Variants in MARK3 observed in about 807,000 individuals in gnomAD.
MARK3 encodes microtubule affinity regulating kinase 3.
Under a neutral mutation model 90.1 loss-of-function variants are expected in MARK3, and 46 were observed. That is an observed-to-expected ratio of 0.51 (90% CI 0.40 to 0.65). The LOEUF is 0.65. MARK3 is among the 30% of genes least tolerant of loss of function. MARK3 has a pLI of 0.00. For synonymous variants in MARK3, 321 were observed against 332.6 expected (o/e 0.97, Z 0.38); for missense variants, 818 against 947.2 (o/e 0.86, Z 1.79).
chr14:103,388,867 GAGTA>G (rs958410347), intron 1 of MARK3, among the ~76,000 whole-genome samples: 1 of 152,034 alleles, frequency 6.6e-6, no homozygotes, highest in Non-Finnish European at 1.5e-5. Context: ...TTTTATTGCT[GAGTA>G]AGTATTTCCT....
intron 2 of MARK3, 69 bp downstream of exon 2, chr14:103,405,336 A>G: frequency 1.6e-6 from 2 of 1,256,610 alleles, no homozygotes; most frequent in Admixed American, 5.2e-5. Context: ...GAGAAAGAAA[A>G]GAATATAGAT....
At chr14:103,392,841 C>G (rs1409448781) in intron 1 of MARK3, among the ~76,000 whole-genome samples, 1 of 150,962 alleles carries the variant, frequency 6.6e-6, no homozygotes, top group African/African-American at 2.4e-5. Flanking sequence ...GGCGGAGTCT[C>G]ACACTGTTAC....
chr14:103,407,384 A>G (rs962295496), intron 2 of MARK3, among the ~76,000 whole-genome samples: 2 of 152,084 alleles, frequency 1.3e-5, no homozygotes, highest in Middle Eastern at 3.4e-3. Flanking sequence ...TACTTTTCTC[A>G]TAGCGTATGT....
chr14:103,499,878 T>TGTGTGCAGC (rs1176796710), intron 16 of MARK3: 9 of 255,566 alleles, frequency 3.5e-5, no homozygotes, highest in Non-Finnish European at 2.1e-5. Context: ...GTGTGTGCAG[T>TGTGTGCAGC]GTGCAGCGTG....
chr14:103,408,274 G>A (rs982002164), intron 2 of MARK3, among the ~76,000 whole-genome samples: 10 of 152,160 alleles, frequency 6.6e-5, no homozygotes, highest in Admixed American at 5.2e-4. Flanking sequence ...GCAACCTCCC[G>A]CCTCCTGGGT....
At chr14:103,386,159 GT>G (rs2089772798) in intron 1 of MARK3, 79 bp downstream of exon 1, 19 of 1,352,650 alleles carry the variant, frequency 1.4e-5, no homozygotes, top group Non-Finnish European at 1.9e-5. Context: ...GCAGTCGGGT[GT>G]TCCCCCCAGC....
intron 15 of MARK3, among the ~76,000 whole-genome samples, chr14:103,492,839 C>T (rs995412169): frequency 3.9e-5 from 6 of 152,246 alleles, no homozygotes; most frequent in African/African-American, 1.2e-4. Context: ...CACTTTGAAC[C>T]GTAAACAATA....
chr14:103,386,683 G>A (rs2089831168), intron 1 of MARK3, among the ~76,000 whole-genome samples: 1 of 152,190 alleles, frequency 6.6e-6, no homozygotes, highest in South Asian at 2.1e-4. Context: ...CTTTTTTGAA[G>A]GAGTTGGTTA....
At position 103,497,869 on chromosome 14, in the gene MARK3, A is replaced by G. The variant is rs184643411; in HGVS notation, c.1845-633A>G. On this transcript the variant is annotated intron_variant, in intron 15 of 17. Coordinates refer to ENST00000429436, the MANE Select transcript of MARK3 (RefSeq NM_001128918.3). ...GAAAATTGAAAAATGTTTTATTACT[A>G]GTACATTGCAAATGTCTTGTCACTT... Among the ~76,000 whole-genome samples the G allele has an allele frequency of 7.1e-4, 108 of 152,346 alleles. 1 individual carries two copies. Among genetic ancestry groups the G allele is most frequent in the Non-Finnish European group, 1.4e-3 (94 of 68,032 alleles).
At position 103,428,392 on chromosome 14, in the gene MARK3, A is replaced by C; in HGVS notation, c.249A>C (p.Ala83=). 6.9e-7 allele frequency: 1 copy of C among 1,440,296 alleles called. No homozygotes were observed. The highest frequency in any genetic ancestry group is 9.5e-7 in the Non-Finnish European group (1 of 1,054,440). 89.2% of individuals were successfully genotyped at this position (1,440,296 alleles called of 1,614,324 possible). ...ATATTTATTATTCTTTCTAGGTTGCAATAAAAATAATTGACAAAACTCAGT... is the reference window on the plus strand; with the variant it reads ...ATATTTATTATTCTTTCTAGGTTGCCATAAAAATAATTGACAAAACTCAGT... ...ARHILTGREV[A]IKIIDKTQLN... is the part of the protein sequence containing the mutation. Residue 83 remains alanine (A), a synonymous_variant, in exon 3 of 18, where the codon GCA becomes GCC. Transcript: ENST00000429436.
At chr14:103,387,354 T>G (rs932341078) in intron 1 of MARK3, among the ~76,000 whole-genome samples, 6 of 152,236 alleles carry the variant, frequency 3.9e-5, no homozygotes, top group African/African-American at 1.4e-4. Context: ...AGAACAGTGA[T>G]GTACCTTTCT....
rs775218417 is a variant in MARK3, at chr14:103,466,393, C to T, written c.948C>T (p.Leu316=). 3.2e-5 allele frequency: 52 copies of T among 1,613,854 alleles called. No homozygotes were observed. The highest frequency in any genetic ancestry group is 4.3e-5 in the Non-Finnish European group (51 of 1,179,918). ...ATGCAGGGCATGAAGAAGATGAACT[C>T]AAACCATTTGTTGAACCAGAGCTAG... ...WINAGHEEDE[L]KPFVEPELDI... The change falls in exon 10 of 18, where the codon CTC becomes CTT. Residue 316 remains leucine (L), a synonymous_variant. Transcript: ENST00000429436.
chr14:103,425,218 G>T (rs532259429), intron 2 of MARK3, among the ~76,000 whole-genome samples: 2 of 151,280 alleles, frequency 1.3e-5, no homozygotes, highest in Non-Finnish European at 2.9e-5. Context: ...GAGACTACAG[G>T]CGTGAGCCAC....
Position 103,409,476 on chromosome 14 carries a change from T to G in MARK3, c.243+4209T>G, listed in dbSNP as rs543357732. ...AAAAAAAAAAAAAAAGGAAAAACTTTGAACAAAATCATTTTACTCTTGTGG... is the reference window on the plus strand; with the variant it reads ...AAAAAAAAAAAAAAAGGAAAAACTTGGAACAAAATCATTTTACTCTTGTGG... On this transcript the variant is annotated intron_variant, in intron 2 of 17. Coordinates refer to ENST00000429436, the MANE Select transcript of MARK3 (RefSeq NM_001128918.3). 1.0e-3 allele frequency among the ~76,000 whole-genome samples: 141 copies of G among 137,128 alleles called. 5 individuals carry two copies. In the East Asian group the frequency reaches 0.025, roughly 24 times the overall value. The allele number at this position is 137,128 out of a possible 152,430, so 90.0% of individuals were successfully genotyped here. A position where few individuals can be genotyped will look rare whatever the true frequency, so the allele number is the denominator to read the frequency against.
intron 13 of MARK3, 126 bp downstream of exon 13, chr14:103,475,336 C>A: frequency 1.4e-6 from 1 of 695,622 alleles, no homozygotes; most frequent in Non-Finnish European, 2.5e-6. Context: ...CAGCCATGCC[C>A]AATCTTAACT....
In MARK3 at chr14:103,413,429, C is replaced by CTTT. The variant is rs33971338; in HGVS notation, c.243+8175_243+8177dup. ...GTTTATATTGTTTTTTAATAGCATGCTTTTTTTTTTTTTTTGAGACAGAGT... is the reference window on the plus strand; with the variant it reads ...GTTTATATTGTTTTTTAATAGCATGCTTTTTTTTTTTTTTTTTTGAGACAGAGT... On this transcript the variant is annotated intron_variant, in intron 2 of 17. Coordinates refer to ENST00000429436, the MANE Select transcript of MARK3 (RefSeq NM_001128918.3). 7.7e-3 allele frequency among the ~76,000 whole-genome samples: 1,010 copies of CTTT among 131,692 alleles called. 30 individuals carry two copies. Among genetic ancestry groups the CTTT allele is most frequent in the African/African-American group, 0.022 (776 of 35,070 alleles). The allele number at this position is 131,692 out of a possible 152,430, so 86.4% of individuals were successfully genotyped here.
Position 103,502,879 on chromosome 14 carries a change from C to T in MARK3, c.1917-3C>T. On this transcript the variant is annotated splice_region_variant and splice_polypyrimidine_tract_variant and intron_variant, in intron 17 of 17. Transcript: ENST00000429436. ...AAAATAAACCTGCCTCTATGCATTT[C>T]AGTCGCAATGTATCTGCTGAGCAAA... The T allele has an allele frequency of 6.2e-7, 1 of 1,602,672 alleles. No individual in the cohort carries two copies. Among genetic ancestry groups the T allele is most frequent in the African/African-American group, 1.3e-5 (1 of 74,582 alleles).
chr14:103,388,605 C>T (rs751268166), intron 1 of MARK3, among the ~76,000 whole-genome samples: 1 of 152,186 alleles, frequency 6.6e-6, no homozygotes, highest in Non-Finnish European at 1.5e-5. Context: ...AGTTATGTAA[C>T]CGCTATCACA....
chr14:103,455,650 C>T (rs951465431), intron 5 of MARK3, among the ~76,000 whole-genome samples: 49 of 149,092 alleles, frequency 3.3e-4, no homozygotes, highest in African/African-American at 1.1e-3. Context: ...ATTGCTTGAA[C>T]GTTGGAGGCA....
Sources: allele counts gnomAD v4.1 joint callset (sites outside exome capture counted in the v4.1 genomes callset), GRCh38; gene constraint gnomAD v4.1.1; transcripts MANE v1.5; gene names NCBI Gene and HGNC (gene_info 2026-07-23, HGNC 2026-07-21).